Variants in NLGN1 observed in about 807,000 individuals in gnomAD.
The protein encoded by NLGN1 is neuroligin 1.
In NLGN1, 12 loss-of-function variants were observed where a neutral mutation model predicts 65.5. That is an observed-to-expected ratio of 0.18 (90% CI 0.12 to 0.30). The LOEUF is 0.30. NLGN1 is among the 10% of genes least tolerant of loss of function. The pLI is 1.00. For missense variants in NLGN1, 750 were observed against 1,007.1 expected (o/e 0.74, Z 3.46); for synonymous variants, 350 against 359.5 (o/e 0.97, Z 0.30).
chr3:173,979,345 G>A lies in NLGN1; in HGVS notation c.646+171513G>A, dbSNP rs140318389. On this transcript the variant is annotated intron_variant, in intron 4 of 6. Transcript: ENST00000457714. ...TAAAGGATGATAGGAATAATCCAAG[G>A]AATAGGGAAATATTAAAGATACATA... Among the ~76,000 whole-genome samples, 27 of 152,208 alleles carry A rather than the reference G, an allele frequency of 1.8e-4. No homozygotes were observed. In the East Asian group the frequency reaches 3.3e-3, roughly 19 times the overall value.
At position 173,753,944 on chromosome 3, in the gene NLGN1, A is replaced by ATAATAATAATATAATATAATATAAT. The variant is rs1553836502; in HGVS notation, c.494-53736_494-53735insTAATAATAATATAATATAATATAAT. Among the ~76,000 whole-genome samples, 8 of 116,692 alleles carry ATAATAATAATATAATATAATATAAT rather than the reference A, an allele frequency of 6.9e-5. No homozygotes were observed. The Admixed American group carries it at 7.8e-4, about 11-fold the overall frequency. 76.6% of individuals were successfully genotyped at this position (116,692 alleles called of 152,430 possible). On this transcript the variant is annotated intron_variant, in intron 3 of 6. Coordinates refer to ENST00000457714, the Ensembl canonical transcript of NLGN1. ...CAGTATCTACATAATATAATATAAT[A>ATAATAATAATATAATATAATATAAT]ATAATATAATATAATATAATATAAT...
intron 1 of NLGN1, among the ~76,000 whole-genome samples, chr3:173,431,572 A>C (rs1717167666): frequency 6.6e-6 from 1 of 152,084 alleles, no homozygotes; most frequent in East Asian, 1.9e-4. Flanking sequence ...TTTAATTTTT[A>C]GAGCAATTTT....
At chr3:173,833,869 A>AT (rs890252519) in intron 4 of NLGN1, among the ~76,000 whole-genome samples, 10 of 152,078 alleles carry the variant, frequency 6.6e-5, no homozygotes, top group Middle Eastern at 3.4e-3. Flanking sequence ...TCAAATATAC[A>AT]TTTTTTTTCC....
chr3:173,839,073 A>G (rs1384741486), intron 4 of NLGN1, among the ~76,000 whole-genome samples: 1 of 147,392 alleles, frequency 6.8e-6, no homozygotes, highest in Non-Finnish European at 1.5e-5. Context: ...CTTTTTTTTT[A>G]ACTTCTTGAA....
intron 2 of NLGN1, among the ~76,000 whole-genome samples, chr3:173,503,678 G>T (rs1325483863): frequency 6.6e-6 from 1 of 151,988 alleles, no homozygotes; most frequent in African/African-American, 2.4e-5. Context: ...TTGTCACTTT[G>T]TAGGAATCAT....
intron 1 of NLGN1, among the ~76,000 whole-genome samples, chr3:173,423,949 T>A (rs1300314912): frequency 6.6e-6 from 1 of 152,220 alleles, no homozygotes; most frequent in African/African-American, 2.4e-5. Flanking sequence ...GACTTCTCCC[T>A]GGACATCGAG....
chr3:173,997,677 T>C (rs978155363), intron 4 of NLGN1, among the ~76,000 whole-genome samples: 1 of 152,104 alleles, frequency 6.6e-6, no homozygotes, highest in African/African-American at 2.4e-5. Context: ...CATAGTGAGT[T>C]TAAGTAAATT....
intron 4 of NLGN1, among the ~76,000 whole-genome samples, chr3:173,878,650 G>GTATA (rs201561847): frequency 7.5e-5 from 11 of 146,886 alleles, no homozygotes; most frequent in African/African-American, 2.7e-4. Flanking sequence ...TTATATATGT[G>GTATA]TATATATATA....
At chr3:173,953,452 G>A (rs960029405) in intron 4 of NLGN1, among the ~76,000 whole-genome samples, 1 of 152,096 alleles carries the variant, frequency 6.6e-6, no homozygotes, top group Non-Finnish European at 1.5e-5. Context: ...TATCCAACTG[G>A]GCACTAAACT....
intron 2 of NLGN1, among the ~76,000 whole-genome samples, chr3:173,523,781 A>T (rs1217405733): frequency 6.6e-6 from 1 of 151,598 alleles, no homozygotes; most frequent in Non-Finnish European, 1.5e-5. Context: ...GCTTTTTATA[A>T]TTCTGTGAAA....
At chr3:173,536,021 G>T (rs1737378469) in intron 2 of NLGN1, among the ~76,000 whole-genome samples, 1 of 152,208 alleles carries the variant, frequency 6.6e-6, no homozygotes, top group African/African-American at 2.4e-5. Flanking sequence ...GCATCAGGGA[G>T]TGGTCCCCTG....
At chr3:173,618,164 C>G (rs73880523) in intron 3 of NLGN1, among the ~76,000 whole-genome samples, 1 of 151,948 alleles carries the variant, frequency 6.6e-6, no homozygotes, top group African/African-American at 2.4e-5. Context: ...TAAACATATA[C>G]GTGAATTCAG....
chr3:173,508,867 G>C (rs992671360), intron 2 of NLGN1, among the ~76,000 whole-genome samples: 1 of 152,126 alleles, frequency 6.6e-6, no homozygotes, highest in African/African-American at 2.4e-5. Context: ...AGCCCAGCCC[G>C]AACTCTTTTC....
intron 3 of NLGN1, among the ~76,000 whole-genome samples, chr3:173,716,492 G>C (rs576869128): frequency 6.6e-5 from 10 of 152,216 alleles, no homozygotes; most frequent in Middle Eastern, 3.4e-3. Flanking sequence ...GCAAGAGGCA[G>C]CAGGGTCTTC....
At chr3:174,171,904 T>A (rs1379987068) in intron 4 of NLGN1, among the ~76,000 whole-genome samples, 2 of 152,076 alleles carry the variant, frequency 1.3e-5, no homozygotes, top group Non-Finnish European at 2.9e-5. Context: ...TCCCTCAGAT[T>A]TTTATGTATC....
chr3:173,977,330 G>T (rs554696653), intron 4 of NLGN1, among the ~76,000 whole-genome samples: 2 of 151,902 alleles, frequency 1.3e-5, no homozygotes, highest in African/African-American at 4.8e-5. Flanking sequence ...TGGGAGTGGG[G>T]ATGGGGGAAG....
the NLGN1 span, among the ~76,000 whole-genome samples, chr3:174,292,063 A>G: frequency 2.0e-5 from 3 of 151,308 alleles, no homozygotes; most frequent in Admixed American, 1.3e-4. Context: ...TAATTGTATC[A>G]TCTCCACCGT....
intron 4 of NLGN1, among the ~76,000 whole-genome samples, chr3:174,139,955 T>C (rs1721995267): frequency 6.6e-6 from 1 of 152,228 alleles, no homozygotes; most frequent in Non-Finnish European, 1.5e-5. Flanking sequence ...ATTTTCTTAC[T>C]GTTGAGCTTT....
intron 4 of NLGN1, among the ~76,000 whole-genome samples, chr3:174,030,630 C>G (rs1389053260): frequency 2.6e-5 from 4 of 152,158 alleles, no homozygotes; most frequent in Non-Finnish European, 5.9e-5. Flanking sequence ...TACCTGTTCT[C>G]TCTCCTGAAA....
Sources: allele counts gnomAD v4.1 joint callset (sites outside exome capture counted in the v4.1 genomes callset), GRCh38; gene constraint gnomAD v4.1.1; transcripts MANE v1.5; gene names NCBI Gene and HGNC (gene_info 2026-07-23, HGNC 2026-07-21).